Variants in MED12L observed in about 807,000 individuals in gnomAD.
MED12L encodes the protein mediator complex subunit 12L.
A neutral mutation model predicts 281.3 loss-of-function variants in MED12L; 60 were observed. The ratio of observed to expected loss-of-function variants is 0.21; its 90% CI spans 0.17 to 0.26. The LOEUF is 0.26. Among genes scored for constraint, MED12L ranks in the 10% least tolerant of loss-of-function variants. The pLI, the probability that MED12L is intolerant of heterozygous loss-of-function variation, is 1.00. For synonymous variants in MED12L, 974 were observed against 987.2 expected, an observed-to-expected ratio of 0.99 and a Z score of 0.25; for missense variants, 2,146 against 2,680.9, an observed-to-expected ratio of 0.80 and a Z score of 4.41.
At chr3:151,179,726 G>T (rs2149047341) in intron 11 of MED12L, among the ~76,000 whole-genome samples, 1 of 152,264 alleles carries the variant, frequency 6.6e-6, no homozygotes, top group East Asian at 1.9e-4. Context: ...TGTTCCTTTG[G>T]AAGCCTCTGC....
intron 36 of MED12L, among the ~76,000 whole-genome samples, chr3:151,386,527 TTACAGACA>T (rs1713377898): frequency 6.6e-6 from 1 of 151,826 alleles, no homozygotes; most frequent in South Asian, 2.1e-4. Context: ...GTACCTGGGA[TTACAGACA>T]TGCACCACCA....
At chr3:151,332,643 C>A (rs1750479291) in intron 16 of MED12L, among the ~76,000 whole-genome samples, 1 of 152,056 alleles carries the variant, frequency 6.6e-6, no homozygotes, top group Non-Finnish European at 1.5e-5. Context: ...AAAGTTAATA[C>A]ATATACATAC....
At chr3:151,323,564 C>T (rs187851882) in intron 16 of MED12L, among the ~76,000 whole-genome samples, 37 of 152,278 alleles carry the variant, frequency 2.4e-4, no homozygotes, top group Middle Eastern at 3.4e-3. Context: ...CTTATTGTGC[C>T]GCAGGGTTCC....
In MED12L at chr3:151,174,328, A is replaced by G. The variant is rs187618924; in HGVS notation, c.1494+8346A>G. Reference sequence around the variant, plus strand: ...ATGACTTTCTGTTATGCAATTATGTATTTCTCACAACTCCTCTATTTTTTT... The same window carrying G: ...ATGACTTTCTGTTATGCAATTATGTGTTTCTCACAACTCCTCTATTTTTTT... On this transcript the variant is annotated intron_variant, in intron 11 of 44. Transcript: ENST00000687756. 1.5e-3 allele frequency among the ~76,000 whole-genome samples: 229 copies of G among 152,290 alleles called. 5 individuals carry two copies. In the South Asian group the frequency reaches 0.042, roughly 28 times the overall value.
intron 11 of MED12L, among the ~76,000 whole-genome samples, chr3:151,166,450 T>C (rs1009145542): frequency 1.3e-5 from 2 of 152,076 alleles, no homozygotes; most frequent in Non-Finnish European, 2.9e-5. Context: ...GTTAAGTGTA[T>C]GTATATATAT....
intron 2 of MED12L, among the ~76,000 whole-genome samples, chr3:151,109,924 G>C (rs1711605030): frequency 6.6e-6 from 1 of 152,170 alleles, no homozygotes; most frequent in Admixed American, 6.5e-5. Flanking sequence ...ACTAACTGTT[G>C]TGTGTGCCTC....
chr3:151,212,203 C>A (rs1727284203), intron 16 of MED12L: 1 of 152,078 alleles, frequency 6.6e-6, no homozygotes, highest in Non-Finnish European at 1.5e-5. Flanking sequence ...TTTGAAAGAA[C>A]ATTTGAAAAA....
In MED12L at chr3:151,434,985, C is replaced by T. The variant is rs1190275893; in HGVS notation, c.*2181C>T. On this transcript the variant is annotated 3_prime_UTR_variant, in exon 45 of 45. Coordinates refer to ENST00000687756, the MANE Select transcript of MED12L (RefSeq NM_001393769.1). Reference sequence around the variant, plus strand: ...GTTGAGGAATGCTGTTTTACCCCTGCGCATTATAAAGAAAATAACTAGAAT... The same window carrying T: ...GTTGAGGAATGCTGTTTTACCCCTGTGCATTATAAAGAAAATAACTAGAAT... The T allele has an allele frequency of 6.7e-5, 10 of 148,380 alleles. No individual in the cohort carries two copies. Among genetic ancestry groups the T allele is most frequent in the East Asian group, 2.2e-4 (1 of 4,506 alleles). 9.2% of individuals were successfully genotyped at this position (148,380 alleles called of 1,614,324 possible).
At chr3:151,164,073 T>C (rs760513855) in intron 9 of MED12L, 31 bp downstream of exon 9, 25 of 1,606,188 alleles carry the variant, frequency 1.6e-5, no homozygotes, top group Non-Finnish European at 2.1e-5. Flanking sequence ...ATTTGATGGC[T>C]GTTTTCATTC....
At chr3:151,339,264 T>TC (rs36048813) in intron 16 of MED12L, among the ~76,000 whole-genome samples, 1 of 151,906 alleles carries the variant, frequency 6.6e-6, no homozygotes, top group Non-Finnish European at 1.5e-5. Flanking sequence ...CAGTCACTTT[T>TC]CCCCCCAACG....
intron 9 of MED12L, among the ~76,000 whole-genome samples, chr3:151,164,366 A>G (rs1300529195): frequency 6.6e-6 from 1 of 152,092 alleles, no homozygotes; most frequent in Non-Finnish European, 1.5e-5. Flanking sequence ...ATATGTTCTT[A>G]TTGGTACTGG....
At chr3:151,273,493 G>A (rs768224896) in intron 16 of MED12L, among the ~76,000 whole-genome samples, 6 of 149,190 alleles carry the variant, frequency 4.0e-5, no homozygotes, top group Non-Finnish European at 8.9e-5. Context: ...TGCCCACCTC[G>A]GCCTCCCAAA....
At chr3:151,262,424 T>C (rs891641198) in intron 16 of MED12L, among the ~76,000 whole-genome samples, 1 of 152,200 alleles carries the variant, frequency 6.6e-6, no homozygotes, top group Admixed American at 6.5e-5. Flanking sequence ...GTGGTGAATG[T>C]AAACATGGTA....
intron 2 of MED12L, among the ~76,000 whole-genome samples, chr3:151,092,279 C>A (rs925841155): frequency 6.6e-6 from 1 of 152,226 alleles, no homozygotes; most frequent in African/African-American, 2.4e-5. Context: ...CTTGCCAGTT[C>A]ATTTCCCTGA....
At chr3:151,336,582 C>T (rs1427745867) in intron 16 of MED12L, 1 of 455,336 alleles carries the variant, frequency 2.2e-6, no homozygotes, top group Non-Finnish European at 4.4e-6. Context: ...GTGATGTAAA[C>T]TTCCACATGT....
In MED12L at chr3:151,164,129, C is replaced by T. The variant is rs888430632; in HGVS notation, c.1257+87C>T. 1.1e-4 allele frequency: 163 copies of T among 1,425,506 alleles called. 5 individuals are homozygous for T. The South Asian group carries it at 2.1e-3, about 18-fold the overall frequency. The allele number at this position is 1,425,506 out of a possible 1,614,324, so 88.3% of individuals were successfully genotyped here. A position where few individuals can be genotyped will look rare whatever the true frequency, so the allele number is the denominator to read the frequency against. On this transcript the variant is annotated intron_variant, in intron 9 of 44. Coordinates refer to ENST00000687756, the MANE Select transcript of MED12L (RefSeq NM_001393769.1). ...GTGGGTCAAGCACAGGTTTTAGTAT[C>T]TAGATGCTTGGGTGCTATCCCAGTT...
At chr3:151,158,660 T>C in intron 6 of MED12L, 29 bp from the exon 7 acceptor site, 1 of 1,456,558 alleles carries the variant, frequency 6.9e-7, no homozygotes, top group Non-Finnish European at 9.6e-7. Context: ...TTTAACATTA[T>C]TAATGTAATT....
At chr3:151,170,069 G>A (rs781688473) in intron 11 of MED12L, among the ~76,000 whole-genome samples, 20 of 152,192 alleles carry the variant, frequency 1.3e-4, no homozygotes, top group Non-Finnish European at 2.9e-5. Flanking sequence ...GTTTGTGTGT[G>A]TAATCAGTTT....
chr3:151,397,305 T>G (rs1259730242), intron 39 of MED12L, among the ~76,000 whole-genome samples: 1 of 152,212 alleles, frequency 6.6e-6, no homozygotes, highest in Non-Finnish European at 1.5e-5. Context: ...AGGATATGTC[T>G]TTTTCTCTCA....
Sources: allele counts gnomAD v4.1 joint callset (sites outside exome capture counted in the v4.1 genomes callset), GRCh38; gene constraint gnomAD v4.1.1; transcripts MANE v1.5; gene names NCBI Gene and HGNC (gene_info 2026-07-23, HGNC 2026-07-21).